FGD5: variants seen among roughly 807,000 people sequenced by gnomAD.
FGD5 encodes the protein FYVE, RhoGEF and PH domain-containing protein 5.
FGD5 carries 28 observed loss-of-function variants against 133.4 expected under a neutral mutation model. The ratio of observed to expected loss-of-function variants is 0.21; its 90% confidence interval spans 0.16 to 0.29. The LOEUF is 0.29. Ranked by LOEUF, FGD5 falls within the 10% of genes least tolerant of loss-of-function variation. The pLI is 1.00. For synonymous variants in FGD5, 810 were observed against 776.5 expected (o/e 1.04, Z -0.72); for missense variants, 1,858 against 1,895.2 (o/e 0.98, Z 0.36).
rs183356227 is a variant in FGD5, at chr3:14,875,565, G to A, written c.2659-5007G>A. ...AACAGCCCTGAGCTGAGCCACAGGGGCCCCTTTCTGTAAGCGCTGGGAGCC... is the reference window on the plus strand; with the variant it reads ...AACAGCCCTGAGCTGAGCCACAGGGACCCCTTTCTGTAAGCGCTGGGAGCC... On this transcript the variant is annotated intron_variant, in intron 2 of 19. Coordinates refer to ENST00000285046, the MANE Select transcript of FGD5 (RefSeq NM_152536.4). Among the ~76,000 whole-genome samples the A allele has an allele frequency of 1.2e-4, 19 of 152,298 alleles. No individual in the cohort carries two copies. In the East Asian group the frequency reaches 2.7e-3, roughly 22 times the overall value.
chr3:14,873,024 A>G (rs1244425319), intron 2 of FGD5, among the ~76,000 whole-genome samples: 1 of 152,252 alleles, frequency 6.6e-6, no homozygotes, highest in Admixed American at 6.5e-5. Flanking sequence ...TGCCTGGCAC[A>G]GCCTTAGGTC....
intron 1 of FGD5, among the ~76,000 whole-genome samples, chr3:14,862,139 T>C (rs2037411548): frequency 6.6e-6 from 1 of 152,182 alleles, no homozygotes; most frequent in South Asian, 2.1e-4. Flanking sequence ...TCTGGCTTTC[T>C]GCCTGGCATG....
intron 1 of FGD5, chr3:14,811,368 A>G (rs898221010): frequency 6.6e-6 from 1 of 152,110 alleles, no homozygotes; most frequent in African/African-American, 2.4e-5. Flanking sequence ...CGGAAGGAGG[A>G]TTCCTGCTCC....
intron 1 of FGD5, among the ~76,000 whole-genome samples, chr3:14,855,329 T>C (rs2037257092): frequency 6.6e-6 from 1 of 151,514 alleles, no homozygotes; most frequent in Admixed American, 6.6e-5. Context: ...GAGGTGTAGA[T>C]GTCTCCTCCA....
At chr3:14,885,447 C>G (rs1305823344) in intron 4 of FGD5, among the ~76,000 whole-genome samples, 1 of 152,174 alleles carries the variant, frequency 6.6e-6, no homozygotes, top group Non-Finnish European at 1.5e-5. Flanking sequence ...AGTTTGCCCA[C>G]ATCCTGCATT....
chr3:14,926,857 C>T (rs2038813682), intron 18 of FGD5, among the ~76,000 whole-genome samples: 1 of 152,090 alleles, frequency 6.6e-6, no homozygotes, highest in Admixed American at 6.5e-5. Context: ...ATAGTTTCAG[C>T]TTTGAAAATG....
At chr3:14,878,015 T>C (rs2037752552) in intron 2 of FGD5, among the ~76,000 whole-genome samples, 1 of 152,182 alleles carries the variant, frequency 6.6e-6, no homozygotes, top group South Asian at 2.1e-4. Flanking sequence ...GAAAATGATT[T>C]GGGGTGTTCT....
At position 14,917,443 on chromosome 3, in the gene FGD5, C is replaced by T. The variant is rs2125150736; in HGVS notation, c.3489+111C>T. On this transcript the variant is annotated intron_variant, in intron 12 of 19. Coordinates refer to ENST00000285046, the MANE Select transcript of FGD5 (RefSeq NM_152536.4). The surrounding 1 kb of genome is among the most constrained non-coding windows in gnomAD (Gnocchi z 4.1). ...CCCAGACCAGCTGGAAGAGGGAGGC[C>T]CTGCGGAAACAGTGTTGGGCTACAG... 1.0e-6 allele frequency: 1 copy of T among 960,312 alleles called. No individual in the cohort carries two copies. Among genetic ancestry groups the T allele is most frequent in the Admixed American group, 2.3e-5 (1 of 43,124 alleles). The allele number at this position is 960,312 out of a possible 1,614,324, so 59.5% of individuals were successfully genotyped here.
At chr3:14,900,539 G>A in intron 8 of FGD5, 86 bp downstream of exon 8, 3 of 1,495,268 alleles carry the variant, frequency 2.0e-6, no homozygotes, top group Middle Eastern at 1.9e-4. Context: ...CAATTCCAAG[G>A]CCCAGGATAT....
At chr3:14,916,679 G>A (rs577723312) in intron 11 of FGD5, among the ~76,000 whole-genome samples, 1 of 152,330 alleles carries the variant, frequency 6.6e-6, no homozygotes, top group Non-Finnish European at 1.5e-5. Flanking sequence ...CCTCCAGAAA[G>A]TTCCTCTGTG....
rs1174714842 is a variant in FGD5 at position 14,917,106 on chromosome 3, C to T, written c.3406-143C>T. ...GGCAAGGAAGGGGCTCACATTTTGGCCGCAACGTTTTTGCTCACCTGTGGG... is the reference window on the plus strand; with the variant it reads ...GGCAAGGAAGGGGCTCACATTTTGGTCGCAACGTTTTTGCTCACCTGTGGG... On this transcript the variant is annotated intron_variant, in intron 11 of 19. Coordinates refer to ENST00000285046, the MANE Select transcript of FGD5 (RefSeq NM_152536.4). This position sits in a 1 kb window ranked among gnomAD's most constrained non-coding sequence, Gnocchi z 4.1. 5 of 609,006 alleles carry T rather than the reference C, an allele frequency of 8.2e-6. No individual in the cohort carries two copies. The East Asian group carries it at 1.2e-4, about 15-fold the overall frequency. The allele number at this position is 609,006 out of a possible 1,614,324, so 37.7% of individuals were successfully genotyped here. A position where few individuals can be genotyped will look rare whatever the true frequency, so the allele number is the denominator to read the frequency against.
chr3:14,856,412 G>A (rs2037277939), intron 1 of FGD5, among the ~76,000 whole-genome samples: 1 of 152,160 alleles, frequency 6.6e-6, no homozygotes, highest in South Asian at 2.1e-4. Flanking sequence ...TGTGAAGAAT[G>A]TCATTAGTAT....
rs775068433 is a variant in FGD5 at position 14,900,440 on chromosome 3, C to T, written c.3192C>T (p.Tyr1064=). ...ACCTTTGTCCGGACTCCGCCGAGTACGACAACACACAGGGTGAGTCCAGCG... is the reference window on the plus strand; with the variant it reads ...ACCTTTGTCCGGACTCCGCCGAGTATGACAACACACAGGGTGAGTCCAGCG... ...LNNLCPDSAE[Y]DNTQGALSLI... is the part of the protein sequence containing the mutation. The change falls in exon 8 of 20, where the codon TAC becomes TAT. Residue 1064 remains tyrosine (Y), a synonymous_variant. Coordinates refer to ENST00000285046, the MANE Select transcript of FGD5 (RefSeq NM_152536.4). The T allele has an allele frequency of 5.7e-5, 92 of 1,613,342 alleles. No homozygotes were observed. The highest frequency in any genetic ancestry group is 3.6e-5 in the Non-Finnish European group (43 of 1,179,690).
At position 14,820,170 on chromosome 3, in the gene FGD5, G is replaced by A; in HGVS notation, c.1099G>A (p.Glu367Lys). 1 of 1,613,958 alleles carries A rather than the reference G, an allele frequency of 6.2e-7. No homozygotes were observed. Among genetic ancestry groups the A allele is most frequent in the South Asian group, 1.1e-5 (1 of 91,074 alleles). Residue 367 changes from glutamate to lysine, a missense_variant, in exon 1 of 20, where the codon GAA (glutamate) becomes AAA (lysine). Coordinates refer to ENST00000285046, the MANE Select transcript of FGD5 (RefSeq NM_152536.4). Reference protein sequence around the residue: ...FCSESCSPLSESAKGLESEQA... With the variant: ...FCSESCSPLSKSAKGLESEQA... ...CAGCGAGAGCTGTTCTCCTCTTTCT[G>A]AATCAGCGAAAGGTTTAGAATCAGA...
intron 4 of FGD5, among the ~76,000 whole-genome samples, chr3:14,895,152 T>C (rs571549491): frequency 3.1e-4 from 47 of 152,384 alleles, no homozygotes; most frequent in African/African-American, 1.1e-3. Context: ...TCTCTCATTC[T>C]GTGGGTTGTC....
rs111992044 is a variant in FGD5, at chr3:14,879,326, C to T, written c.2659-1246C>T. On this transcript the variant is annotated intron_variant, in intron 2 of 19. Coordinates refer to ENST00000285046, the MANE Select transcript of FGD5 (RefSeq NM_152536.4). ...CGTCTATTTCATCAGGCCGCCACAG[C>T]GTGTCTTTGCATCTCTGGATCCCAG... is the stretch of plus-strand genomic sequence containing the variant. Among the ~76,000 whole-genome samples the T allele has an allele frequency of 3.4e-3, 516 of 152,368 alleles. 5 individuals are homozygous for T. Among genetic ancestry groups the T allele is most frequent in the African/African-American group, 0.012 (487 of 41,588 alleles).
intron 2 of FGD5, among the ~76,000 whole-genome samples, chr3:14,864,725 GA>G (rs2037462241): frequency 6.6e-6 from 1 of 152,188 alleles, no homozygotes; most frequent in Non-Finnish European, 1.5e-5. Flanking sequence ...GCTGTGAGGG[GA>G]TGGAGTTGCT....
intron 4 of FGD5, 105 bp downstream of exon 4, chr3:14,880,877 A>T: frequency 6.9e-7 from 1 of 1,440,486 alleles, no homozygotes; most frequent in Non-Finnish European, 9.5e-7. Context: ...CCATTAACAG[A>T]GGCCTGGCAG....
intron 1 of FGD5, among the ~76,000 whole-genome samples, chr3:14,813,189 AAAAG>A (rs887140592): frequency 7.2e-5 from 11 of 152,002 alleles, no homozygotes; most frequent in Non-Finnish European, 1.5e-4. Context: ...CCTATGAAAA[AAAAG>A]GGGGTATTTC....
Sources: allele counts gnomAD v4.1 joint callset (sites outside exome capture counted in the v4.1 genomes callset), GRCh38; gene constraint gnomAD v4.1.1; non-coding constraint Gnocchi (gnomAD v3.1); transcripts MANE v1.5; gene names NCBI Gene and HGNC (gene_info 2026-07-23, HGNC 2026-07-21).